Variants in TMEM131L observed in about 807,000 individuals in gnomAD.
The protein encoded by TMEM131L is transmembrane protein 131-like.
In TMEM131L, 54 loss-of-function variants were observed where a neutral mutation model predicts 192.2. The observed-to-expected ratio is 0.28, with a 90% CI of 0.23 to 0.35. TMEM131L has a LOEUF of 0.35. Ranked by LOEUF, TMEM131L falls within the 10% of genes least tolerant of loss-of-function variation. The probability of loss-of-function intolerance (pLI) is 1.00; values close to 1 mark genes in which losing one functional copy is unlikely to be tolerated. For synonymous variants in TMEM131L, 701 were observed against 704.9 expected (o/e 0.99, Z 0.09); for missense variants, 1,888 against 1,972.9 (o/e 0.96, Z 0.82).
At chr4:153,499,720 C>T (rs1290910502) in intron 3 of TMEM131L, among the ~76,000 whole-genome samples, 1 of 152,218 alleles carries the variant, frequency 6.6e-6, no homozygotes, top group African/African-American at 2.4e-5. Flanking sequence ...CCGCCGTGCC[C>T]AGCCCCTTAT....
intron 7 of TMEM131L, among the ~76,000 whole-genome samples, chr4:153,566,615 T>C (rs1044714965): frequency 6.6e-6 from 1 of 152,046 alleles, no homozygotes; most frequent in Non-Finnish European, 1.5e-5. Context: ...ATTTTGGGAT[T>C]ATCAGAAGGT....
chr4:153,586,380 G>A lies in TMEM131L; in HGVS notation c.1482+1G>A, dbSNP rs766899636. On this transcript the variant is annotated splice_donor_variant, in intron 14 of 34. Transcript: ENST00000409959. LOFTEE classifies it high-confidence loss of function. ...ACAGATTTATTCAGCACCAACCAAG[G>A]TATTTTCTACAATACTATATGTGTG... 1.9e-6 allele frequency: 3 copies of A among 1,590,926 alleles called. No individual in the cohort carries two copies. Among genetic ancestry groups the A allele is most frequent in the Non-Finnish European group, 2.6e-6 (3 of 1,171,028 alleles).
chr4:153,535,859 T>G (rs1736279727), intron 3 of TMEM131L, among the ~76,000 whole-genome samples: 1 of 152,226 alleles, frequency 6.6e-6, no homozygotes, highest in South Asian at 2.1e-4. Flanking sequence ...TTTTTTTAGT[T>G]GTAATCTTGT....
At chr4:153,631,109 A>G (rs1319516398) in intron 31 of TMEM131L, among the ~76,000 whole-genome samples, 1 of 152,256 alleles carries the variant, frequency 6.6e-6, no homozygotes, top group African/African-American at 2.4e-5. Flanking sequence ...CCCACTGATC[A>G]AAATGGTTGT....
At chr4:153,501,495 C>T (rs1733607142) in intron 3 of TMEM131L, among the ~76,000 whole-genome samples, 1 of 152,110 alleles carries the variant, frequency 6.6e-6, no homozygotes, top group South Asian at 2.1e-4. Context: ...CCACTGTGCC[C>T]AGCTGAGTTT....
intron 2 of TMEM131L, among the ~76,000 whole-genome samples, chr4:153,467,863 C>T (rs2149696197): frequency 6.6e-6 from 1 of 152,178 alleles, no homozygotes; most frequent in Middle Eastern, 3.2e-3. Flanking sequence ...TATTGGGAAT[C>T]TGTAGCATCA....
intron 2 of TMEM131L, among the ~76,000 whole-genome samples, chr4:153,468,556 C>T (rs1730936369): frequency 6.6e-6 from 1 of 152,074 alleles, no homozygotes; most frequent in Admixed American, 6.6e-5. Context: ...ACATTTAACG[C>T]GATGTATTTA....
chr4:153,550,367 A>C (rs1024496471), intron 4 of TMEM131L, among the ~76,000 whole-genome samples: 5 of 152,090 alleles, frequency 3.3e-5, no homozygotes, highest in East Asian at 1.9e-4. Context: ...TGCTCTGTCC[A>C]CCAGGCTGGA....
chr4:153,542,152 A>G (rs1337967357), intron 3 of TMEM131L, among the ~76,000 whole-genome samples: 2 of 152,222 alleles, frequency 1.3e-5, no homozygotes, highest in African/African-American at 2.4e-5. Flanking sequence ...AACCCACTGG[A>G]TAGGTACAAT....
In TMEM131L at chr4:153,604,259, T is replaced by C. The variant is rs145639206; in HGVS notation, c.3247T>C (p.Cys1083Arg). The change falls in exon 25 of 35, where the codon TGT becomes CGT. Residue 1083 changes from cysteine (C) to arginine (R), a missense_variant. By Grantham distance (180) the Cys-to-Arg change is radical. Coordinates refer to ENST00000409959, the MANE Select transcript of TMEM131L (RefSeq NM_001131007.2). ...ECSMKEGIQT[C>R]MFPKETDIKT... Reference sequence around the variant, plus strand: ...TAGTATGAAGGAGGGAATACAGACATGTATGTTTCCTAAGGAAACTGACAT... The same window carrying C: ...TAGTATGAAGGAGGGAATACAGACACGTATGTTTCCTAAGGAAACTGACAT... 1.7e-5 allele frequency: 27 copies of C among 1,614,014 alleles called. No homozygotes were observed. The African/African-American group carries it at 3.5e-4, about 21-fold the overall frequency.
intron 3 of TMEM131L, among the ~76,000 whole-genome samples, chr4:153,476,558 G>T (rs946721758): frequency 2.0e-5 from 3 of 152,164 alleles, no homozygotes; most frequent in African/African-American, 7.2e-5. Flanking sequence ...TTAGCCAGGT[G>T]TGGTGGTGGG....
rs191891869 is a variant in TMEM131L, at chr4:153,584,801, T to G, written c.1061-34T>G. 132 of 1,499,898 alleles carry G rather than the reference T, an allele frequency of 8.8e-5. 1 individual carries two copies. In the East Asian group the frequency reaches 2.4e-3, roughly 27 times the overall value. The allele number at this position is 1,499,898 out of a possible 1,614,324, so 92.9% of individuals were successfully genotyped here. A position where few individuals can be genotyped will look rare whatever the true frequency, so the allele number is the denominator to read the frequency against. ...TCAGGCTTAATGAAAGAAAAGGTAC[T>G]TAAGCTTCACATTTATTTCTTTATA... On this transcript the variant is annotated intron_variant, in intron 11 of 34. Transcript: ENST00000409959.
chr4:153,625,662 C>T (rs1449882349), intron 29 of TMEM131L, among the ~76,000 whole-genome samples: 1 of 152,012 alleles, frequency 6.6e-6, no homozygotes. Context: ...CTGTAAAGAA[C>T]TTTGGGAGGC....
At chr4:153,627,736 G>T in intron 31 of TMEM131L, 49 bp downstream of exon 31, 1 of 1,475,126 alleles carries the variant, frequency 6.8e-7, no homozygotes, top group Non-Finnish European at 9.5e-7. Context: ...GTTCTGTGCT[G>T]TCTGTATTCC....
intron 1 of TMEM131L, among the ~76,000 whole-genome samples, chr4:153,466,815 G>A (rs1017130991): frequency 3.3e-5 from 5 of 152,232 alleles, no homozygotes; most frequent in African/African-American, 1.2e-4. Flanking sequence ...CGCAGCCCCC[G>A]CTTTGTGTGG....
At chr4:153,550,548 G>T (rs555260433) in intron 4 of TMEM131L, among the ~76,000 whole-genome samples, 11 of 152,136 alleles carry the variant, frequency 7.2e-5, no homozygotes, top group Non-Finnish European at 1.3e-4. Flanking sequence ...GGATGGTCTT[G>T]ATCTCCTGAC....
Position 153,555,890 on chromosome 4 carries a change from G to T in TMEM131L, c.412G>T (p.Val138Leu). The change falls in exon 5 of 35, where the codon GTA becomes TTA. Residue 138 changes from valine to leucine, a missense_variant. Physicochemically the swap from Val to Leu is conservative, Grantham distance 32. Transcript: ENST00000409959. This position sits in a 1 kb window ranked among gnomAD's most constrained non-coding sequence, Gnocchi z 4.1. Reference protein sequence around the residue: ...SVFAAAGHFHVPPVPCRVIPA... With the variant: ...SVFAAAGHFHLPPVPCRVIPA... ...GTTTGCAGCTGCTGGACATTTCCAT[G>T]TACCGCCAGTTCCCTGCAGGGTGGG... 6.4e-7 allele frequency: 1 copy of T among 1,551,460 alleles called. No homozygotes were observed. Among genetic ancestry groups the T allele is most frequent in the Non-Finnish European group, 8.7e-7 (1 of 1,146,868 alleles).
At chr4:153,516,182 A>G (rs988085165) in intron 3 of TMEM131L, among the ~76,000 whole-genome samples, 28 of 152,220 alleles carry the variant, frequency 1.8e-4, no homozygotes, top group African/African-American at 6.5e-4. Context: ...TCCCATGTCT[A>G]TATCTAAGTA....
chr4:153,520,866 A>G (rs1474844751), intron 3 of TMEM131L, among the ~76,000 whole-genome samples: 1 of 152,140 alleles, frequency 6.6e-6, no homozygotes, highest in South Asian at 2.1e-4. Flanking sequence ...AGGACTGGGG[A>G]CCCTTTCCCA....
Sources: allele counts gnomAD v4.1 joint callset (sites outside exome capture counted in the v4.1 genomes callset), GRCh38; gene constraint gnomAD v4.1.1; non-coding constraint Gnocchi (gnomAD v3.1); transcripts MANE v1.5; gene names NCBI Gene and HGNC (gene_info 2026-07-23, HGNC 2026-07-21).